The following SCIN variants were observed in gnomAD, a reference collection of about 807,000 sequenced individuals.
SCIN encodes the protein scinderin.
A neutral mutation model predicts 91.8 loss-of-function variants in SCIN; 91 were observed. The observed-to-expected ratio is 0.99, with a 90% CI of 0.84 to 1.18. The LOEUF (loss-of-function observed/expected upper bound fraction) is 1.18. SCIN is among the 50% of genes most tolerant of loss of function. The probability of loss-of-function intolerance (pLI) is 0.00; values close to 1 mark genes in which losing one functional copy is unlikely to be tolerated. For missense variants in SCIN, 1,087 were observed against 863.9 expected (o/e 1.26, Z -3.24); for synonymous variants, 367 against 312.6 (o/e 1.17, Z -1.84).
At chr7:12,595,801 G>C (rs1202838004) in intron 3 of SCIN, 4 of 152,130 alleles carry the variant, frequency 2.6e-5, no homozygotes, top group East Asian at 3.9e-4. Context: ...CATAACATAA[G>C]GTACACTGAA....
chr7:12,589,648 C>T (rs1187419740), intron 3 of SCIN: 9 of 152,188 alleles, frequency 5.9e-5, no homozygotes, highest in Admixed American at 5.9e-4. Flanking sequence ...AGATCTAAAC[C>T]TCGATGGTTT....
At chr7:12,592,783 C>T (rs1782753802) in intron 3 of SCIN, among the ~76,000 whole-genome samples, 1 of 152,154 alleles carries the variant, frequency 6.6e-6, no homozygotes, top group Non-Finnish European at 1.5e-5. Context: ...TCAACCCCCA[C>T]AACTGAGACT....
intron 3 of SCIN, among the ~76,000 whole-genome samples, chr7:12,599,467 G>A (rs1426371409): frequency 6.6e-6 from 1 of 152,040 alleles, no homozygotes; most frequent in African/African-American, 2.4e-5. Context: ...ATTGTAGATT[G>A]TGCTGCTATA....
chr7:12,625,070 A>G lies in SCIN; in HGVS notation c.820A>G (p.Met274Val), dbSNP rs377403484. ...TVVAEENPFS[M>V]AMLLSEECFI... ...GGTGGCAGAAGAAAACCCCTTCTCA[A>G]TGGCAATGCTGCTGTCTGAAGAATG... Residue 274 changes from methionine to valine, a missense_variant, in exon 6 of 16, where the codon ATG (methionine) becomes GTG (valine). By Grantham distance (21) the Met-to-Val change is conservative. Transcript: ENST00000297029. The G allele has an allele frequency of 1.3e-6, 2 of 1,599,916 alleles. No homozygotes were observed. Among genetic ancestry groups the G allele is most frequent in the South Asian group, 1.1e-5 (1 of 88,040 alleles).
At position 12,570,896 on chromosome 7, in the gene SCIN, A is replaced by G. The variant is rs943575902; in HGVS notation, c.110A>G (p.His37Arg). Reference protein sequence around the residue: ...LELVPVPQSAHGDFYVGDAYL... With the variant: ...LELVPVPQSARGDFYVGDAYL... ...CTGGTGCCCGTGCCCCAGAGCGCTC[A>G]CGGCGACTTCTACGTCGGGGATGCC... is the stretch of plus-strand genomic sequence containing the variant. The change falls in exon 1 of 16, where the codon CAC (histidine) becomes CGC (arginine). Residue 37 changes from histidine to arginine, a missense_variant. Transcript: ENST00000297029. The G allele has an allele frequency of 6.4e-7, 1 of 1,551,560 alleles. No individual in the cohort carries two copies. The highest frequency in any genetic ancestry group is 8.7e-7 in the Non-Finnish European group (1 of 1,146,938).
In SCIN at chr7:12,659,175, C is replaced by G. The variant is rs1784220001; in HGVS notation, c.*6460C>G. ...GTTTTGCCATGTTGGCCAGGCTGGT[C>G]TTGAACTCCTGAACTTGTGATCCAC... On this transcript the variant is annotated 3_prime_UTR_variant, in exon 16 of 16. Coordinates refer to ENST00000297029, the MANE Select transcript of SCIN (RefSeq NM_001112706.3). The G allele has an allele frequency of 1.3e-5, 2 of 152,254 alleles. No homozygotes were observed. The highest frequency in any genetic ancestry group is 4.8e-5 in the African/African-American group (2 of 41,452). The allele number at this position is 152,254 out of a possible 1,614,324, so 9.4% of individuals were successfully genotyped here.
intron 3 of SCIN, among the ~76,000 whole-genome samples, chr7:12,581,542 A>G (rs142920861): frequency 6.6e-6 from 1 of 152,322 alleles, no homozygotes; most frequent in East Asian, 1.9e-4. Flanking sequence ...ATGGGAAAAC[A>G]TAGCTTGAGG....
At chr7:12,571,813 A>C (rs966920515) in intron 1 of SCIN, among the ~76,000 whole-genome samples, 11 of 152,208 alleles carry the variant, frequency 7.2e-5, no homozygotes, top group Non-Finnish European at 1.6e-4. Flanking sequence ...CTGTCAGGAC[A>C]CTGGGCCTTG....
Position 12,651,212 on chromosome 7 carries a change from A to T in SCIN, c.1960-629A>T, listed in dbSNP as rs1293517536. On this transcript the variant is annotated intron_variant, in intron 14 of 15. Transcript: ENST00000297029. The surrounding 1 kb of genome is among the most constrained non-coding windows in gnomAD (Gnocchi z 5.9). ...GGGAGAGAAGAGGCCTGGCTAGGAA[A>T]GATGGTCTTGTTATGGATAAAACCT... Among the ~76,000 whole-genome samples, 1 of 152,188 alleles carries T rather than the reference A, an allele frequency of 6.6e-6. No homozygotes were observed. Among genetic ancestry groups the T allele is most frequent in the African/African-American group, 2.4e-5 (1 of 41,432 alleles).
At chr7:12,641,271 T>C (rs921603890) in intron 11 of SCIN, among the ~76,000 whole-genome samples, 3 of 152,108 alleles carry the variant, frequency 2.0e-5, no homozygotes, top group Non-Finnish European at 2.9e-5. Context: ...ACTTCTTCTC[T>C]AAGCCTCCCT....
At chr7:12,621,817 T>C (rs1386839210) in intron 4 of SCIN, among the ~76,000 whole-genome samples, 2 of 151,858 alleles carry the variant, frequency 1.3e-5, no homozygotes, top group East Asian at 3.9e-4. Flanking sequence ...AGAGTGTACT[T>C]ACACTCATGC....
chr7:12,629,073 T>C (rs1583310236), intron 8 of SCIN, 28 bp from the exon 9 acceptor site: 1 of 1,554,584 alleles, frequency 6.4e-7, no homozygotes, highest in Non-Finnish European at 8.7e-7. Flanking sequence ...AAAATTGTAA[T>C]TTGTTGTATA....
chr7:12,629,339 A>G (rs1010774541), intron 9 of SCIN, 117 bp downstream of exon 9: 28 of 933,890 alleles, frequency 3.0e-5, no homozygotes, highest in Non-Finnish European at 4.3e-5. Flanking sequence ...TGAGATTTGT[A>G]TAGCATGCAT....
At chr7:12,649,366 T>G in intron 13 of SCIN, 101 bp from the exon 14 acceptor site, 1 of 600,052 alleles carries the variant, frequency 1.7e-6, no homozygotes, top group Non-Finnish European at 2.7e-6. Context: ...CACCAAATTT[T>G]ATTTTCACTA....
chr7:12,575,799 A>G (rs765755403), intron 1 of SCIN, among the ~76,000 whole-genome samples: 1 of 152,120 alleles, frequency 6.6e-6, no homozygotes, highest in African/African-American at 2.4e-5. Context: ...CAGACTTTAT[A>G]CACAAAGTTC....
rs925155117 is a variant in SCIN, at chr7:12,657,941, T to C, written c.*5226T>C. 6.6e-5 allele frequency: 10 copies of C among 152,164 alleles called. 1 individual carries two copies. The highest frequency in any genetic ancestry group is 2.6e-4 in the Admixed American group (4 of 15,276). The allele number at this position is 152,164 out of a possible 1,614,324, so 9.4% of individuals were successfully genotyped here. On this transcript the variant is annotated 3_prime_UTR_variant, in exon 16 of 16. Coordinates refer to ENST00000297029, the MANE Select transcript of SCIN (RefSeq NM_001112706.3). ...TAAAAAATTGATGCTTTAATTTAGTTAACATGACAAACTCCATCTTATTTA... is the reference window on the plus strand; with the variant it reads ...TAAAAAATTGATGCTTTAATTTAGTCAACATGACAAACTCCATCTTATTTA...
At chr7:12,594,312 G>C (rs950724127) in intron 3 of SCIN, among the ~76,000 whole-genome samples, 1 of 152,114 alleles carries the variant, frequency 6.6e-6, no homozygotes, top group Non-Finnish European at 1.5e-5. Context: ...TCATCGGCTG[G>C]GTCTGTGGGT....
In SCIN at chr7:12,581,046, C is replaced by T. The variant is rs77923354; in HGVS notation, c.355-14C>T. On this transcript the variant is annotated splice_polypyrimidine_tract_variant and intron_variant, in intron 2 of 15. Coordinates refer to ENST00000297029, the MANE Select transcript of SCIN (RefSeq NM_001112706.3). ...TCTTTGTTTTTTGTGTGTCTGTCTT[C>T]CCTCATTCATCAGGCTGGAGGCGTG... 6.9e-3 allele frequency: 10,737 copies of T among 1,549,364 alleles called. 653 individuals are homozygous for T. The African/African-American group carries it at 0.13, about 19-fold the overall frequency.
intron 4 of SCIN, among the ~76,000 whole-genome samples, chr7:12,612,272 A>T (rs925747679): frequency 3.9e-5 from 6 of 152,146 alleles, no homozygotes; most frequent in Non-Finnish European, 7.4e-5. Context: ...TTGTCGTTTG[A>T]TTGAAATAAC....
Sources: gnomAD v4.1 joint callset for allele counts (sites outside exome capture counted in the v4.1 genomes callset) on GRCh38, gnomAD v4.1.1 for gene constraint, Gnocchi (gnomAD v3.1) non-coding constraint, MANE v1.5 for transcripts, NCBI Gene and HGNC (gene_info 2026-07-23, HGNC 2026-07-21) for gene names.